Variants in GSR observed in about 807,000 individuals in gnomAD.
GSR encodes the protein glutathione reductase, mitochondrial.
Under a neutral mutation model 56.5 loss-of-function variants are expected in GSR, and 48 were observed. The observed-to-expected ratio is 0.85, with a 90% confidence interval of 0.67 to 1.08. The LOEUF (loss-of-function observed/expected upper bound fraction) is 1.08, where lower values mean the gene tolerates loss of function less well. Ranked by LOEUF, GSR falls within the 50% of genes least tolerant of loss-of-function variation. The probability of loss-of-function intolerance (pLI) is 0.00; values close to 1 mark genes in which losing one functional copy is unlikely to be tolerated. For missense variants in GSR, 694 were observed against 703.3 expected, an observed-to-expected ratio of 0.99 and a Z score of 0.15; for synonymous variants, 264 against 270.8, an observed-to-expected ratio of 0.97 and a Z score of 0.25.
intron 1 of GSR, among the ~76,000 whole-genome samples, chr8:30,719,890 G>T (rs538061363): frequency 6.6e-6 from 1 of 152,128 alleles, no homozygotes; most frequent in African/African-American, 2.4e-5. Context: ...CTGCAATTGC[G>T]CCTGCCAAGA....
intron 1 of GSR, among the ~76,000 whole-genome samples, chr8:30,715,449 AG>A (rs1377605551): frequency 6.6e-6 from 1 of 152,320 alleles, no homozygotes; most frequent in East Asian, 1.9e-4. Flanking sequence ...GACGCACAGC[AG>A]GGGTTTCCTA....
chr8:30,713,826 C>T (rs890341836), intron 1 of GSR, among the ~76,000 whole-genome samples: 1 of 152,178 alleles, frequency 6.6e-6, no homozygotes, highest in African/African-American at 2.4e-5. Context: ...AAAGTAGTCA[C>T]ATATTATGCT....
intron 8 of GSR, among the ~76,000 whole-genome samples, chr8:30,689,863 A>T (rs1182689178): frequency 7.0e-5 from 10 of 142,522 alleles, no homozygotes; most frequent in South Asian, 2.1e-4. Context: ...AAATATATTT[A>T]TATATAAATA....
At chr8:30,717,504 G>A (rs1017078089) in intron 1 of GSR, among the ~76,000 whole-genome samples, 1 of 152,094 alleles carries the variant, frequency 6.6e-6, no homozygotes, top group Non-Finnish European at 1.5e-5. Flanking sequence ...ATTTATAGCT[G>A]CTCCCCGTCG....
intron 6 of GSR, 30 bp from the exon 7 acceptor site, chr8:30,696,509 T>A: frequency 1.4e-6 from 2 of 1,384,706 alleles, no homozygotes; most frequent in Non-Finnish European, 1.0e-6. Context: ...TTAGTATTCT[T>A]AAATAAACTA....
chr8:30,681,671 T>C (rs1272887642), intron 11 of GSR, among the ~76,000 whole-genome samples: 2 of 152,078 alleles, frequency 1.3e-5, no homozygotes, highest in Non-Finnish European at 2.9e-5. Context: ...TTTTAGAGCT[T>C]TTCTTTAAAT....
intron 9 of GSR, among the ~76,000 whole-genome samples, chr8:30,685,919 G>A (rs562962971): frequency 2.2e-4 from 32 of 144,104 alleles, no homozygotes; most frequent in Non-Finnish European, 3.7e-4. Context: ...CCCAGGGGGC[G>A]GAGATTGCAG....
At chr8:30,680,681 C>T (rs1417942712) in intron 12 of GSR, among the ~76,000 whole-genome samples, 3 of 152,070 alleles carry the variant, frequency 2.0e-5, no homozygotes, top group African/African-American at 7.2e-5. Context: ...AGGTGTGAGC[C>T]ACCACGCCTG....
intron 1 of GSR, among the ~76,000 whole-genome samples, chr8:30,720,563 G>C (rs897998778): frequency 1.3e-5 from 2 of 151,846 alleles, no homozygotes; most frequent in Admixed American, 1.3e-4. Flanking sequence ...ACATGGCCCT[G>C]TCCCTGGCAC....
chr8:30,708,891 G>A (rs901875940), intron 3 of GSR, among the ~76,000 whole-genome samples: 14 of 149,968 alleles, frequency 9.3e-5, no homozygotes, highest in Admixed American at 3.3e-4. Context: ...CCCGGTAGGC[G>A]GAGCGTGCAG....
intron 4 of GSR, among the ~76,000 whole-genome samples, chr8:30,703,903 GT>G (rs1356146624): frequency 6.6e-6 from 1 of 152,078 alleles, no homozygotes; most frequent in Admixed American, 6.6e-5. Flanking sequence ...AGAAATAAAA[GT>G]GCTAACTTGG....
At chr8:30,694,081 T>C (rs932334648) in intron 7 of GSR, among the ~76,000 whole-genome samples, 1 of 152,192 alleles carries the variant, frequency 6.6e-6, no homozygotes, top group Non-Finnish European at 1.5e-5. Context: ...TCTAGCAAAA[T>C]AATACTTACC....
At chr8:30,693,258 A>C (rs192688059) in intron 7 of GSR, among the ~76,000 whole-genome samples, 1 of 151,878 alleles carries the variant, frequency 6.6e-6, no homozygotes, top group East Asian at 1.9e-4. Flanking sequence ...GACTTCACCA[A>C]CTCCTGTCCT....
rs535840855 is a variant in GSR, at chr8:30,694,829, G to GTTGA, written c.795+1547_795+1550dup. ...TGGGAAGATCGCTTGAGCCCAGAAG[G>GTTGA]TTGAGGCTGCAATGAGCCATGATGT... On this transcript the variant is annotated intron_variant, in intron 7 of 12. Coordinates refer to ENST00000221130, the MANE Select transcript of GSR (RefSeq NM_000637.5). 1.2e-4 allele frequency among the ~76,000 whole-genome samples: 18 copies of GTTGA among 147,400 alleles called. No individual in the cohort carries two copies. In the South Asian group the frequency reaches 3.9e-3, roughly 32 times the overall value.
At chr8:30,708,608 C>T (rs1210658511) in intron 3 of GSR, among the ~76,000 whole-genome samples, 1 of 152,282 alleles carries the variant, frequency 6.6e-6, no homozygotes, top group South Asian at 2.1e-4. Flanking sequence ...GAAGCAGAGA[C>T]CTGAACAGAT....
At chr8:30,698,700 G>C (rs1371048364) in intron 6 of GSR, among the ~76,000 whole-genome samples, 1 of 152,142 alleles carries the variant, frequency 6.6e-6, no homozygotes, top group East Asian at 1.9e-4. Context: ...CATGGACTAT[G>C]AGTCACTCTC....
intron 1 of GSR, among the ~76,000 whole-genome samples, chr8:30,721,485 T>C (rs1382528458): frequency 6.6e-6 from 1 of 152,022 alleles, no homozygotes; most frequent in East Asian, 1.9e-4. Flanking sequence ...ACTCAGTCTC[T>C]ACTAAAAATA....
rs374469140 is a variant in GSR, at chr8:30,680,967, G to A, written c.1356C>T (p.His452=). The A allele has an allele frequency of 4.4e-5, 71 of 1,610,904 alleles. No homozygotes were observed. Among genetic ancestry groups the A allele is most frequent in the African/African-American group, 1.3e-4 (10 of 74,812 alleles). ...TYSTSFTPMY[H]AVTKRKTKCV... ...ATTTTGTTTTCCTTTTGGTAACTGC[G>A]TGATACATCGGGGTAAAGCTCGTTG... Residue 452 remains histidine, a synonymous_variant, in exon 12 of 13, where the codon CAC becomes CAT. Transcript: ENST00000221130.
At chr8:30,714,393 G>T (rs1276439447) in intron 1 of GSR, among the ~76,000 whole-genome samples, 2 of 151,884 alleles carry the variant, frequency 1.3e-5, no homozygotes, top group Non-Finnish European at 2.9e-5. Context: ...TAGAGACAGA[G>T]TCGCACCATG....
Sources: allele counts gnomAD v4.1 joint callset (sites outside exome capture counted in the v4.1 genomes callset), GRCh38; gene constraint gnomAD v4.1.1; transcripts MANE v1.5; gene names NCBI Gene and HGNC (gene_info 2026-07-23, HGNC 2026-07-21).